The following HIPK2 variants were observed in gnomAD, a reference collection of about 807,000 sequenced individuals.
HIPK2 encodes homeodomain interacting protein kinase 2, also known as homeodomain-interacting protein kinase 2.
HIPK2 carries 27 observed loss-of-function variants against 113.7 expected under a neutral mutation model. That is an observed-to-expected ratio of 0.24 (90% CI 0.17 to 0.33). The LOEUF (loss-of-function observed/expected upper bound fraction) is 0.33. Ranked by LOEUF, HIPK2 falls within the 10% of genes least tolerant of loss-of-function variation. The pLI is 1.00. For missense variants in HIPK2, 1,257 were observed against 1,588.0 expected, an observed-to-expected ratio of 0.79 and a Z score of 3.54; for synonymous variants, 631 against 642.2, an observed-to-expected ratio of 0.98 and a Z score of 0.26.
At chr7:139,699,608 G>A (rs1794652461) in intron 2 of HIPK2, among the ~76,000 whole-genome samples, 1 of 152,216 alleles carries the variant, frequency 6.6e-6, no homozygotes, top group Non-Finnish European at 1.5e-5. Flanking sequence ...CTGCAGCTGG[G>A]GAGGGTGGAG....
chr7:139,666,841 C>T (rs367873301), intron 2 of HIPK2, among the ~76,000 whole-genome samples: 2 of 152,126 alleles, frequency 1.3e-5, no homozygotes, highest in African/African-American at 4.8e-5. Flanking sequence ...GGCAGGTAGA[C>T]GGCCTGAGGT....
At chr7:139,705,954 G>A (rs1375521526) in intron 2 of HIPK2, among the ~76,000 whole-genome samples, 3 of 152,076 alleles carry the variant, frequency 2.0e-5, no homozygotes, top group East Asian at 1.9e-4. Flanking sequence ...TCTTACGTAC[G>A]AAGACAAAGT....
intron 6 of HIPK2, among the ~76,000 whole-genome samples, chr7:139,622,528 G>A (rs1253662751): frequency 1.3e-5 from 2 of 152,170 alleles, no homozygotes; most frequent in Non-Finnish European, 2.9e-5. Context: ...TGGGTTTTAG[G>A]AAAGGGCAAG....
Position 139,596,592 on chromosome 7 carries a change from C to T in HIPK2, c.2717+125G>A, listed in dbSNP as rs528862381. ...ATAACTTTAGGACCACAGTAGATGG[C>T]AAAACCAAACTGTAAGGGTCAGAAG... On this transcript the variant is annotated intron_variant, in intron 12 of 14. Transcript: ENST00000406875. 29 of 1,366,216 alleles carry T rather than the reference C, an allele frequency of 2.1e-5. No homozygotes were observed. The Admixed American group carries it at 5.8e-4, about 27-fold the overall frequency. 84.6% of individuals were successfully genotyped at this position (1,366,216 alleles called of 1,614,324 possible). A position where few individuals can be genotyped will look rare whatever the true frequency, so the allele number is the denominator to read the frequency against.
intron 1 of HIPK2, among the ~76,000 whole-genome samples, chr7:139,774,180 T>C (rs570470444): frequency 6.6e-6 from 1 of 152,368 alleles, no homozygotes; most frequent in East Asian, 1.9e-4. Context: ...TGGGTTATTC[T>C]TTCCCTGGAG....
chr7:139,595,873 C>T (rs1379966898), intron 12 of HIPK2, among the ~76,000 whole-genome samples: 1 of 152,212 alleles, frequency 6.6e-6, no homozygotes, highest in Non-Finnish European at 1.5e-5. Flanking sequence ...TCATATCCAG[C>T]TGCAGGATGC....
chr7:139,572,573 T>C lies in HIPK2; in HGVS notation c.*354A>G, dbSNP rs944186391. ...CTCTCTTCTCCTTTCCAGTTTGGCG[T>C]AGAATGGGTTCTTGAGCTGGGTTTT... On this transcript the variant is annotated 3_prime_UTR_variant, in exon 15 of 15. Coordinates refer to ENST00000406875, the MANE Select transcript of HIPK2 (RefSeq NM_022740.5). The C allele has an allele frequency of 7.8e-5, 15 of 193,072 alleles. No homozygotes were observed. The highest frequency in any genetic ancestry group is 2.0e-3 in the Middle Eastern group (1 of 512). 12.0% of individuals were successfully genotyped at this position (193,072 alleles called of 1,614,324 possible).
At chr7:139,726,760 G>C (rs367752934) in intron 1 of HIPK2, among the ~76,000 whole-genome samples, 9 of 152,312 alleles carry the variant, frequency 5.9e-5, no homozygotes, top group African/African-American at 1.9e-4. Flanking sequence ...ACTGGAAGGG[G>C]AAGAGAGCAA....
At chr7:139,610,430 C>G (rs1390125714) in intron 9 of HIPK2, among the ~76,000 whole-genome samples, 1 of 152,208 alleles carries the variant, frequency 6.6e-6, no homozygotes, top group Non-Finnish European at 1.5e-5. Context: ...AGTTCTTTCT[C>G]TGATCTATCT....
At chr7:139,702,996 G>A (rs1162091497) in intron 2 of HIPK2, among the ~76,000 whole-genome samples, 2 of 152,022 alleles carry the variant, frequency 1.3e-5, no homozygotes, top group South Asian at 2.1e-4. Context: ...TCCCCTGTCC[G>A]GCCGTTTCCA....
chr7:139,709,983 C>T (rs1795014369), intron 2 of HIPK2, among the ~76,000 whole-genome samples: 1 of 152,204 alleles, frequency 6.6e-6, no homozygotes, highest in Admixed American at 6.5e-5. Context: ...GGTAGAACCC[C>T]CCATTATAAT....
intron 1 of HIPK2, among the ~76,000 whole-genome samples, chr7:139,729,098 T>C (rs539071421): frequency 5.3e-5 from 8 of 152,026 alleles, no homozygotes; most frequent in Non-Finnish European, 7.4e-5. Context: ...CCGCGATGGG[T>C]GGACTGCTTG....
chr7:139,573,323 G>C lies in HIPK2; in HGVS notation c.3201C>G (p.Ala1067=), dbSNP rs1349654436. 6.2e-7 allele frequency: 1 copy of C among 1,605,454 alleles called. No individual in the cohort carries two copies. The highest frequency in any genetic ancestry group is 8.5e-7 in the Non-Finnish European group (1 of 1,179,856). Residue 1067 remains alanine, a synonymous_variant, in exon 15 of 15, where the codon GCC becomes GCG. Transcript: ENST00000406875. The stretch of plus-strand genomic sequence containing the variant: ...TGTGCGGGAAGGAGTACGGAGCCTG[G>C]GCCATGGTGGGAGTGATGTAGGCCT... ...RQQAYITPTM[A]QAPYSFPHNS...
chr7:139,592,502 C>T (rs565119452), intron 12 of HIPK2, among the ~76,000 whole-genome samples: 7 of 152,250 alleles, frequency 4.6e-5, no homozygotes, highest in South Asian at 2.1e-4. Flanking sequence ...TTTGGGAGGC[C>T]AAGGCAGGAG....
At chr7:139,729,694 C>T (rs754081367) in intron 1 of HIPK2, among the ~76,000 whole-genome samples, 4 of 152,148 alleles carry the variant, frequency 2.6e-5, no homozygotes, top group Non-Finnish European at 4.4e-5. Flanking sequence ...AGGCAAACAC[C>T]CACAAACTAT....
intron 1 of HIPK2, among the ~76,000 whole-genome samples, chr7:139,759,860 A>C (rs931592885): frequency 1.3e-5 from 2 of 152,206 alleles, no homozygotes; most frequent in African/African-American, 4.8e-5. Context: ...AAGAAAAAAA[A>C]CAAAGTTCAC....
intron 1 of HIPK2, among the ~76,000 whole-genome samples, chr7:139,736,172 G>A (rs1795932961): frequency 6.6e-6 from 1 of 152,174 alleles, no homozygotes; most frequent in Non-Finnish European, 1.5e-5. Flanking sequence ...CATCTGAGAG[G>A]CGATAGGAAC....
chr7:139,705,125 A>G (rs1164745695), intron 2 of HIPK2, among the ~76,000 whole-genome samples: 1 of 152,222 alleles, frequency 6.6e-6, no homozygotes, highest in Non-Finnish European at 1.5e-5. Context: ...ATGAAAAAGA[A>G]ATGATTGGGA....
intron 2 of HIPK2, among the ~76,000 whole-genome samples, chr7:139,632,778 T>TA (rs1167714823): frequency 6.6e-6 from 1 of 152,008 alleles, no homozygotes; most frequent in African/African-American, 2.4e-5. Context: ...TATGTTTTTT[T>TA]AAAAAAATAT....
Sources: gnomAD v4.1 joint callset for allele counts (sites outside exome capture counted in the v4.1 genomes callset) on GRCh38, gnomAD v4.1.1 for gene constraint, MANE v1.5 for transcripts, NCBI Gene and HGNC (gene_info 2026-07-23, HGNC 2026-07-21) for gene names.